HECW2: variants seen among roughly 807,000 people sequenced by gnomAD.
HECW2 encodes the protein HECT, C2 and WW domain containing E3 ubiquitin protein ligase 2.
In HECW2, 61 loss-of-function variants were observed where a neutral mutation model predicts 175.2. The observed-to-expected ratio is 0.35, with a 90% confidence interval of 0.28 to 0.43. The LOEUF is 0.43. Ranked by LOEUF, HECW2 falls within the 20% of genes least tolerant of loss-of-function variation. HECW2 has a pLI of 1.00. For synonymous variants in HECW2, 671 were observed against 731.0 expected (o/e 0.92, Z 1.32); for missense variants, 1,524 against 2,000.5 (o/e 0.76, Z 4.54).
At chr2:196,300,344 G>C (rs981912518) in intron 13 of HECW2, among the ~76,000 whole-genome samples, 1 of 152,132 alleles carries the variant, frequency 6.6e-6, no homozygotes, top group Non-Finnish European at 1.5e-5. Context: ...CTTTACTTAA[G>C]GTCCAGACTT....
intron 10 of HECW2, among the ~76,000 whole-genome samples, chr2:196,309,805 A>G (rs1388440263): frequency 6.6e-6 from 1 of 152,238 alleles, no homozygotes; most frequent in African/African-American, 2.4e-5. Flanking sequence ...TAAAGGAAAC[A>G]GAGAGAGAAG....
chr2:196,334,652 C>G (rs906018282), intron 3 of HECW2, 134 bp from the exon 4 acceptor site: 1 of 671,314 alleles, frequency 1.5e-6, no homozygotes, highest in Non-Finnish European at 2.6e-6. Context: ...TTCCACTCAG[C>G]GCCAACAAAT....
At chr2:196,272,683 A>C (rs1206998411) in intron 16 of HECW2, among the ~76,000 whole-genome samples, 2 of 152,336 alleles carry the variant, frequency 1.3e-5, no homozygotes, top group East Asian at 1.9e-4. Flanking sequence ...TTTTAAAGAA[A>C]TACTACCTGC....
intron 13 of HECW2, among the ~76,000 whole-genome samples, chr2:196,297,679 A>G (rs145018083): frequency 4.6e-5 from 7 of 152,358 alleles, no homozygotes; most frequent in African/African-American, 1.7e-4. Flanking sequence ...AGCCTTCATC[A>G]AGAATAGGCA....
At chr2:196,451,428 T>A (rs1234734209) in intron 1 of HECW2, among the ~76,000 whole-genome samples, 1 of 129,578 alleles carries the variant, frequency 7.7e-6, no homozygotes, top group Middle Eastern at 4.3e-3. Flanking sequence ...CGAGACTCCG[T>A]CTCAAAAAAA....
rs749901594 is a variant in HECW2, at chr2:196,343,781, AAC to A, written c.293-19_293-18del. 1 of 1,473,098 alleles carries A rather than the reference AAC, an allele frequency of 6.8e-7. No individual in the cohort carries two copies. The highest frequency in any genetic ancestry group is 1.1e-5 in the South Asian group (1 of 88,006). The allele number at this position is 1,473,098 out of a possible 1,614,324, so 91.3% of individuals were successfully genotyped here. On this transcript the variant is annotated intron_variant, in intron 2 of 28. Coordinates refer to ENST00000644978, the MANE Select transcript of HECW2 (RefSeq NM_001348768.2). ...AATTCTCATCTAGAAAAACCAAAGA[AAC>A]ACTTTTCAGATTAATTATAACCTTT...
chr2:196,359,210 G>T (rs1469147992), intron 2 of HECW2, among the ~76,000 whole-genome samples: 1 of 152,170 alleles, frequency 6.6e-6, no homozygotes, highest in Non-Finnish European at 1.5e-5. Flanking sequence ...AGCATGTTAG[G>T]AGGCCAAGGC....
chr2:196,388,991 T>TA, intron 2 of HECW2, among the ~76,000 whole-genome samples: 1 of 152,314 alleles, frequency 6.6e-6, no homozygotes, highest in East Asian at 1.9e-4. Flanking sequence ...TATAAGTCTC[T>TA]ACAGGATAGC....
intron 1 of HECW2, among the ~76,000 whole-genome samples, chr2:196,449,424 G>A (rs1373919585): frequency 2.0e-5 from 3 of 152,186 alleles, no homozygotes; most frequent in Non-Finnish European, 4.4e-5. Flanking sequence ...GATTTCTGCA[G>A]AATAGATAAT....
At chr2:196,491,369 T>C (rs113188171) in intron 1 of HECW2, among the ~76,000 whole-genome samples, 13,927 of 130,794 alleles carry the variant, frequency 0.11, 984 homozygotes, top group Middle Eastern at 0.14. Context: ...CATATATATA[T>C]ACACACACAC....
intron 17 of HECW2, among the ~76,000 whole-genome samples, chr2:196,260,903 C>T (rs1689264013): frequency 6.6e-6 from 1 of 152,168 alleles, no homozygotes; most frequent in South Asian, 2.1e-4. Flanking sequence ...TGTGTCTTCA[C>T]TTCGATGATC....
intron 1 of HECW2, among the ~76,000 whole-genome samples, chr2:196,558,648 T>G (rs1303353299): frequency 2.6e-5 from 4 of 152,264 alleles, no homozygotes; most frequent in Non-Finnish European, 5.9e-5. Flanking sequence ...GTATCCCTTG[T>G]GTAAAATGGA....
chr2:196,196,702 G>GTGGGAGGCTGGCTTGAGCC lies in HECW2; in HGVS notation c.*4556_*4574dup. The GTGGGAGGCTGGCTTGAGCC allele has an allele frequency of 6.5e-6, 1 of 152,934 alleles. No homozygotes were observed. Among genetic ancestry groups the GTGGGAGGCTGGCTTGAGCC allele is most frequent in the Non-Finnish European group, 1.5e-5 (1 of 68,508 alleles). The allele number at this position is 152,934 out of a possible 1,614,324, so 9.5% of individuals were successfully genotyped here. On this transcript the variant is annotated 3_prime_UTR_variant, in exon 29 of 29. Coordinates refer to ENST00000644978, the MANE Select transcript of HECW2 (RefSeq NM_001348768.2). ...TAGTCCTAGCTACTCGGAGGCTGAGGTGGGAGGCTGGCTTGAGCCTGGAAG... is the reference window on the plus strand; with the variant it reads ...TAGTCCTAGCTACTCGGAGGCTGAGGTGGGAGGCTGGCTTGAGCCTGGGAGGCTGGCTTGAGCCTGGAAG...
At chr2:196,239,729 G>A (rs1688379639) in intron 21 of HECW2, 1 of 152,212 alleles carries the variant, frequency 6.6e-6, no homozygotes, top group Non-Finnish European at 1.5e-5. Context: ...GGAAGAAGGG[G>A]TCTGGGAGGG....
At chr2:196,268,080 G>T (rs1321856240) in intron 17 of HECW2, among the ~76,000 whole-genome samples, 1 of 152,180 alleles carries the variant, frequency 6.6e-6, no homozygotes, top group Non-Finnish European at 1.5e-5. Flanking sequence ...CCCTGTGTTT[G>T]TGGGAATGCT....
intron 21 of HECW2, chr2:196,240,177 A>G: frequency 3.8e-6 from 1 of 264,268 alleles, no homozygotes; most frequent in Non-Finnish European, 7.1e-6. Context: ...TCCCTTTAAG[A>G]GAAAGAGAGG....
intron 1 of HECW2, among the ~76,000 whole-genome samples, chr2:196,538,882 A>T (rs1465927109): frequency 2.0e-5 from 3 of 152,134 alleles, no homozygotes; most frequent in Non-Finnish European, 4.4e-5. Flanking sequence ...CTACCAATCA[A>T]CGCACCACCA....
chr2:196,342,890 ATATT>A (rs2105827878), intron 3 of HECW2, among the ~76,000 whole-genome samples: 1 of 152,162 alleles, frequency 6.6e-6, no homozygotes, highest in South Asian at 2.1e-4. Context: ...ATATGAATAA[ATATT>A]AATTATAGAT....
rs867341714 is a variant in HECW2, at chr2:196,476,458, A to G, written c.-35-43000T>C. Among the ~76,000 whole-genome samples, 1,151 of 151,720 alleles carry G rather than the reference A, an allele frequency of 7.6e-3. 11 individuals are homozygous for G. The highest frequency in any genetic ancestry group is 0.014 in the Middle Eastern group (4 of 294). ...ACTCCATCTCAAAAAAAAAAAAAAA[A>G]GGCAGGCGACAATGGCACATCTATC... On this transcript the variant is annotated intron_variant, in intron 1 of 28. Transcript: ENST00000644978.
Sources: allele counts gnomAD v4.1 joint callset (sites outside exome capture counted in the v4.1 genomes callset), GRCh38; gene constraint gnomAD v4.1.1; transcripts MANE v1.5; gene names NCBI Gene and HGNC (gene_info 2026-07-23, HGNC 2026-07-21).